The following FUT8 variants were observed in gnomAD, a reference collection of about 807,000 sequenced individuals.
FUT8 encodes alpha-(1,6)-fucosyltransferase.
In FUT8, 29 loss-of-function variants were observed where a neutral mutation model predicts 71.3. The ratio of observed to expected loss-of-function variants is 0.41; its 90% CI spans 0.30 to 0.55. The LOEUF (loss-of-function observed/expected upper bound fraction) is 0.55, where lower values mean the gene tolerates loss of function less well. Among genes scored for constraint, FUT8 ranks in the 20% least tolerant of loss-of-function variants. The probability of loss-of-function intolerance (pLI) is 0.34; values close to 1 mark genes in which losing one functional copy is unlikely to be tolerated. For synonymous variants in FUT8, 254 were observed against 239.3 expected, an observed-to-expected ratio of 1.06 and a Z score of -0.57; for missense variants, 544 against 702.1, an observed-to-expected ratio of 0.77 and a Z score of 2.55.
intron 6 of FUT8, among the ~76,000 whole-genome samples, chr14:65,653,398 T>A (rs547182330): frequency 1.1e-4 from 17 of 152,316 alleles, no homozygotes; most frequent in Middle Eastern, 3.4e-3. Flanking sequence ...AACTTTAGTA[T>A]CTCTGATACC....
intron 2 of FUT8, among the ~76,000 whole-genome samples, chr14:65,513,091 A>G (rs1882472250): frequency 6.6e-6 from 1 of 152,122 alleles, no homozygotes; most frequent in East Asian, 1.9e-4. Context: ...TTCTTTCTCT[A>G]AACTTTAATT....
At chr14:65,362,017 A>G in the FUT8 span, among the ~76,000 whole-genome samples, 8 of 152,126 alleles carry the variant, frequency 5.3e-5, no homozygotes, top group African/African-American at 9.7e-5. Context: ...TCTTGTTTCA[A>G]CAACCCTCCA....
intron 1 of FUT8, among the ~76,000 whole-genome samples, chr14:65,440,956 G>C (rs1843785821): frequency 6.6e-6 from 1 of 151,986 alleles, no homozygotes; most frequent in Admixed American, 6.6e-5. Flanking sequence ...TATAACTGTG[G>C]AATTAGAATT....
chr14:65,505,505 G>C (rs950688321), intron 2 of FUT8, among the ~76,000 whole-genome samples: 5 of 151,476 alleles, frequency 3.3e-5, no homozygotes, highest in Non-Finnish European at 7.4e-5. Context: ...GTAGAGACGG[G>C]GTTTCACCAT....
chr14:65,662,845 A>T (rs543462650), intron 6 of FUT8, among the ~76,000 whole-genome samples: 1 of 152,172 alleles, frequency 6.6e-6, no homozygotes, highest in Non-Finnish European at 1.5e-5. Context: ...CTGGACCAAA[A>T]TCATATCTTT....
intron 1 of FUT8, among the ~76,000 whole-genome samples, chr14:65,424,545 T>TC (rs1333144135): frequency 5.4e-5 from 8 of 146,806 alleles, no homozygotes; most frequent in African/African-American, 1.7e-4. Flanking sequence ...TTTTCTTTTT[T>TC]TTTTTTTTTT....
chr14:65,542,474 G>A (rs1193056905), intron 2 of FUT8, among the ~76,000 whole-genome samples: 1 of 152,096 alleles, frequency 6.6e-6, no homozygotes, highest in Non-Finnish European at 1.5e-5. Context: ...TAATTTATTT[G>A]TTTCCCTTAT....
chr14:65,644,485 G>A (rs911663825), intron 6 of FUT8, among the ~76,000 whole-genome samples: 6 of 152,034 alleles, frequency 3.9e-5, no homozygotes, highest in East Asian at 3.9e-4. Flanking sequence ...TCAGCCTCCC[G>A]AGTGGCTGGT....
intron 1 of FUT8, among the ~76,000 whole-genome samples, chr14:65,419,473 G>C (rs1460503810): frequency 2.6e-5 from 4 of 152,154 alleles, no homozygotes; most frequent in Non-Finnish European, 5.9e-5. Flanking sequence ...TTGATAATTA[G>C]GGCCTAATCA....
chr14:65,394,828 C>T, the FUT8 span, among the ~76,000 whole-genome samples: 1 of 148,914 alleles, frequency 6.7e-6, no homozygotes, highest in Non-Finnish European at 1.5e-5. Flanking sequence ...TCACCACAAC[C>T]TCTGCCTCCC....
chr14:65,540,985 T>C (rs982988911), intron 2 of FUT8, among the ~76,000 whole-genome samples: 24 of 152,208 alleles, frequency 1.6e-4, no homozygotes, highest in African/African-American at 4.8e-4. Flanking sequence ...ATCACTCTGG[T>C]CTTTGGAATA....
intron 1 of FUT8, among the ~76,000 whole-genome samples, chr14:65,445,171 A>C (rs1164881372): frequency 6.6e-6 from 1 of 152,166 alleles, no homozygotes; most frequent in Non-Finnish European, 1.5e-5. Context: ...ACGCCACTGC[A>C]CTACAGCCTG....
chr14:65,708,772 A>G (rs1894678257), intron 7 of FUT8, among the ~76,000 whole-genome samples: 2 of 152,162 alleles, frequency 1.3e-5, no homozygotes, highest in Admixed American at 1.3e-4. Context: ...ATAATCTCAC[A>G]TGTGATATCT....
intron 6 of FUT8, among the ~76,000 whole-genome samples, chr14:65,647,304 A>G (rs1216690338): frequency 6.6e-6 from 1 of 152,210 alleles, no homozygotes; most frequent in East Asian, 1.9e-4. Context: ...TGTGAGGTTG[A>G]AGAACATTTG....
intron 2 of FUT8, among the ~76,000 whole-genome samples, chr14:65,487,058 A>G (rs2066418967): frequency 6.6e-6 from 1 of 152,180 alleles, no homozygotes; most frequent in East Asian, 1.9e-4. Flanking sequence ...GTTAGACTCT[A>G]TTAGCATAAG....
intron 6 of FUT8, among the ~76,000 whole-genome samples, chr14:65,661,787 A>G (rs1173889761): frequency 1.3e-5 from 2 of 152,226 alleles, no homozygotes. Flanking sequence ...CCTATGGTTT[A>G]CTAGTTGATT....
intron 2 of FUT8, among the ~76,000 whole-genome samples, chr14:65,507,765 G>T (rs1203484743): frequency 6.6e-6 from 1 of 152,208 alleles, no homozygotes; most frequent in Non-Finnish European, 1.5e-5. Context: ...GTAAACATGG[G>T]AGTGCAGATA....
At chr14:65,687,559 A>C (rs1298705175) in intron 7 of FUT8, among the ~76,000 whole-genome samples, 1 of 152,220 alleles carries the variant, frequency 6.6e-6, no homozygotes, top group Non-Finnish European at 1.5e-5. Flanking sequence ...ACTTAAATAT[A>C]TATGTGCATA....
chr14:65,680,408 TC>T (rs1344293592), intron 7 of FUT8, among the ~76,000 whole-genome samples: 1 of 152,240 alleles, frequency 6.6e-6, no homozygotes, highest in Non-Finnish European at 1.5e-5. Flanking sequence ...ACCATTGTTT[TC>T]CGTATTTTTA....
Sources: allele counts gnomAD v4.1 joint callset (sites outside exome capture counted in the v4.1 genomes callset), GRCh38; gene constraint gnomAD v4.1.1; transcripts MANE v1.5; gene names NCBI Gene and HGNC (gene_info 2026-07-23, HGNC 2026-07-21).